CDYL: variants seen among roughly 807,000 people sequenced by gnomAD.
The protein encoded by CDYL is chromodomain Y like, also known as chromodomain Y-like protein.
In CDYL, 8 loss-of-function variants were observed where a neutral mutation model predicts 47.3. The observed-to-expected ratio is 0.17, with a 90% CI of 0.10 to 0.31. The LOEUF (loss-of-function observed/expected upper bound fraction) is 0.31, where lower values mean the gene tolerates loss of function less well. CDYL is among the 10% of genes least tolerant of loss of function. CDYL has a pLI of 1.00. For missense variants in CDYL, 471 were observed against 701.4 expected (o/e 0.67, Z 3.71); for synonymous variants, 266 against 265.0 (o/e 1.00, Z -0.04).
chr6:4,911,897 A>G (rs1757424388), intron 2 of CDYL, among the ~76,000 whole-genome samples: 1 of 152,206 alleles, frequency 6.6e-6, no homozygotes. Flanking sequence ...AATGCAGGAG[A>G]CCATGTGTAG....
At chr6:4,750,552 A>T (rs1419390171) in intron 3 of CDYL, among the ~76,000 whole-genome samples, 5 of 152,066 alleles carry the variant, frequency 3.3e-5, no homozygotes, top group Admixed American at 2.6e-4. Flanking sequence ...AGGTAGTCTC[A>T]GCTACTCAGG....
chr6:4,849,639 T>G (rs1760764301), intron 1 of CDYL, among the ~76,000 whole-genome samples: 1 of 152,062 alleles, frequency 6.6e-6, no homozygotes, highest in South Asian at 2.1e-4. Context: ...TCAGTTTACT[T>G]TTTATTTTTA....
rs76875597 is a variant in CDYL at position 4,819,374 on chromosome 6, A to T, written c.24+42567A>T. Among the ~76,000 whole-genome samples the T allele has an allele frequency of 7.1e-3, 1,080 of 152,272 alleles. 13 individuals carry two copies. The highest frequency in any genetic ancestry group is 0.025 in the African/African-American group (1,046 of 41,554). ...TGGTTCTCAAGCTTCCTTTGTTAAG[A>T]TGTTCCCACTCCCTCATTGGACAGG... On this transcript the variant is annotated intron_variant, in intron 1 of 6. Transcript: ENST00000397588.
intron 2 of CDYL, among the ~76,000 whole-genome samples, chr6:4,721,898 TG>T (rs1292865309): frequency 6.6e-6 from 1 of 152,064 alleles, no homozygotes; most frequent in Non-Finnish European, 1.5e-5. Flanking sequence ...AGTCTTGCTC[TG>T]TCGCCCAGGC....
intron 1 of CDYL, among the ~76,000 whole-genome samples, chr6:4,710,021 G>A (rs917052997): frequency 6.6e-6 from 1 of 152,084 alleles, no homozygotes; most frequent in African/African-American, 2.4e-5. Flanking sequence ...AGGAGTTCAA[G>A]ACCAGCCTGG....
At chr6:4,860,046 C>T (rs948282480) in intron 1 of CDYL, among the ~76,000 whole-genome samples, 7 of 151,448 alleles carry the variant, frequency 4.6e-5, no homozygotes, top group Non-Finnish European at 7.4e-5. Flanking sequence ...GGACCACAGG[C>T]GCCCGCCACT....
At chr6:4,894,833 T>TG (rs1561692129) in intron 2 of CDYL, among the ~76,000 whole-genome samples, 4 of 108,502 alleles carry the variant, frequency 3.7e-5, no homozygotes, top group Admixed American at 8.5e-5. Flanking sequence ...TCCACAAAAG[T>TG]CGTGTGTGTG....
At chr6:4,715,258 C>T (rs1757232380) in intron 1 of CDYL, among the ~76,000 whole-genome samples, 1 of 152,104 alleles carries the variant, frequency 6.6e-6, no homozygotes. Flanking sequence ...TGTCTTCCTA[C>T]CAGACTGTAG....
intron 1 of CDYL, among the ~76,000 whole-genome samples, chr6:4,777,453 A>G (rs1758500851): frequency 6.6e-6 from 1 of 152,202 alleles, no homozygotes; most frequent in Non-Finnish European, 1.5e-5. Context: ...GTTCTGGTCG[A>G]TGGGTTTAAA....
chr6:4,952,214 C>G (rs1200059865), intron 5 of CDYL, 52 bp from the exon 6 acceptor site: 20 of 1,584,544 alleles, frequency 1.3e-5, no homozygotes, highest in Non-Finnish European at 1.7e-5. Flanking sequence ...ATGGGTCTTC[C>G]CCGCCCGCCT....
At chr6:4,781,335 TCA>T (rs1758614212) in intron 1 of CDYL, among the ~76,000 whole-genome samples, 1 of 152,150 alleles carries the variant, frequency 6.6e-6, no homozygotes, top group Non-Finnish European at 1.5e-5. Flanking sequence ...CAAATGGAAG[TCA>T]CAGAGACCAG....
intron 1 of CDYL, among the ~76,000 whole-genome samples, chr6:4,860,007 T>G (rs1761118014): frequency 2.6e-5 from 4 of 151,822 alleles, no homozygotes; most frequent in Non-Finnish European, 1.5e-5. Context: ...GTTCACGCCA[T>G]TCTCCTGCCT....
chr6:4,817,193 T>TGGA (rs1026229974), intron 1 of CDYL, among the ~76,000 whole-genome samples: 7 of 152,288 alleles, frequency 4.6e-5, no homozygotes, highest in African/African-American at 1.7e-4. Context: ...CTGTGAGGTA[T>TGGA]GGAGCCTCCT....
chr6:4,936,732 C>A (rs1355103105), intron 3 of CDYL, among the ~76,000 whole-genome samples: 1 of 152,184 alleles, frequency 6.6e-6, no homozygotes, highest in Non-Finnish European at 1.5e-5. Context: ...AACAGTAGAA[C>A]TGAATGAGTT....
chr6:4,817,959 T>C (rs116019643), intron 1 of CDYL, among the ~76,000 whole-genome samples: 1 of 152,318 alleles, frequency 6.6e-6, no homozygotes, highest in Non-Finnish European at 1.5e-5. Context: ...GCTATTTACA[T>C]TTAATATGGA....
At chr6:4,852,371 C>CTCCTTCCTTCCTTCCAATCTTCCT (rs1760857939) in intron 1 of CDYL, among the ~76,000 whole-genome samples, 1 of 138,014 alleles carries the variant, frequency 7.2e-6, no homozygotes, top group African/African-American at 3.1e-5. Context: ...TCCTTCCTTC[C>CTCCTTCCTTCCTTCCAATCTTCCT]TCCTTCCTTC....
intron 1 of CDYL, among the ~76,000 whole-genome samples, chr6:4,806,111 G>A (rs1759363141): frequency 6.6e-6 from 1 of 152,246 alleles, no homozygotes; most frequent in Non-Finnish European, 1.5e-5. Context: ...TGCCAGTGCT[G>A]GACAGAGTGG....
chr6:4,844,890 T>C (rs907870639), intron 1 of CDYL, among the ~76,000 whole-genome samples: 1 of 152,196 alleles, frequency 6.6e-6, no homozygotes, highest in Non-Finnish European at 1.5e-5. Flanking sequence ...ATACCTATAT[T>C]CAACAAATAA....
At chr6:4,781,489 A>G (rs949233412) in intron 1 of CDYL, among the ~76,000 whole-genome samples, 4 of 152,240 alleles carry the variant, frequency 2.6e-5, no homozygotes, top group African/African-American at 9.6e-5. Flanking sequence ...CAGTGAGGTC[A>G]AACATGCATG....
Sources: allele counts gnomAD v4.1 joint callset (sites outside exome capture counted in the v4.1 genomes callset), GRCh38; gene constraint gnomAD v4.1.1; transcripts MANE v1.5; gene names NCBI Gene and HGNC (gene_info 2026-07-23, HGNC 2026-07-21).